The following KHDRBS3 variants were observed in gnomAD, a reference collection of about 807,000 sequenced individuals.
The protein encoded by KHDRBS3 is KH RNA binding domain containing, signal transduction associated 3, also known as KH domain-containing, RNA-binding, signal transduction-associated protein 3.
In KHDRBS3, 23 loss-of-function variants were observed where a neutral mutation model predicts 45.6. The ratio of observed to expected loss-of-function variants is 0.50; its 90% confidence interval spans 0.36 to 0.72. The LOEUF is 0.72. KHDRBS3 is among the 30% of genes least tolerant of loss of function. The pLI is 0.00. For synonymous variants in KHDRBS3, 162 were observed against 156.5 expected (o/e 1.04, Z -0.26); for missense variants, 352 against 424.8 (o/e 0.83, Z 1.51).
At chr8:135,473,473 C>CT (rs1237742194) in intron 1 of KHDRBS3, among the ~76,000 whole-genome samples, 6 of 152,052 alleles carry the variant, frequency 3.9e-5, no homozygotes, top group Non-Finnish European at 7.4e-5. Flanking sequence ...TAGGTCATGC[C>CT]TCGGGGGTAC....
chr8:135,540,556 A>G (rs1364730273), intron 2 of KHDRBS3: 1 of 152,360 alleles, frequency 6.6e-6, no homozygotes, highest in South Asian at 2.1e-4. Context: ...ATACAGACAG[A>G]TACAACTGAG....
At chr8:135,612,827 C>T (rs1829760504) in intron 7 of KHDRBS3, among the ~76,000 whole-genome samples, 1 of 151,648 alleles carries the variant, frequency 6.6e-6, no homozygotes, top group African/African-American at 2.4e-5. Context: ...CGTGGCCAGT[C>T]CAGATTGAGA....
At chr8:135,513,388 T>A (rs1335017650) in intron 1 of KHDRBS3, among the ~76,000 whole-genome samples, 3 of 152,130 alleles carry the variant, frequency 2.0e-5, no homozygotes, top group Admixed American at 2.0e-4. Context: ...AATATTAAAT[T>A]ATTTAATCCT....
At position 135,575,166 on chromosome 8, in the gene KHDRBS3, C is replaced by T. The variant is rs548795070; in HGVS notation, c.612-6712C>T. 2.6e-5 allele frequency among the ~76,000 whole-genome samples: 4 copies of T among 152,178 alleles called. No homozygotes were observed. In the South Asian group the frequency reaches 6.2e-4, roughly 24 times the overall value. The stretch of plus-strand genomic sequence containing the variant: ...AAAGGTTTACCTGAGGGTGAGCTGA[C>T]GAAAAAGTGTTATTTTTTTCTTTTT... On this transcript the variant is annotated intron_variant, in intron 5 of 8. Transcript: ENST00000355849.
At chr8:135,542,103 G>C (rs1260712414) in intron 2 of KHDRBS3, 1 of 152,106 alleles carries the variant, frequency 6.6e-6, no homozygotes, top group African/African-American at 2.4e-5. Flanking sequence ...TAAATAAATT[G>C]CCCACATTCC....
rs112758170 is a variant in KHDRBS3, at chr8:135,546,925, C to T, written c.325-1829C>T. Among the ~76,000 whole-genome samples, 626 of 152,116 alleles carry T rather than the reference C, an allele frequency of 4.1e-3. 10 individuals are homozygous for T. Among genetic ancestry groups the T allele is most frequent in the African/African-American group, 0.014 (566 of 41,502 alleles). The stretch of plus-strand genomic sequence containing the variant: ...AGCTATGATAAGAAATCCTCTCTGT[C>T]CAGCTTAAGTTTGTGATAGAAATAA... On this transcript the variant is annotated intron_variant, in intron 3 of 8. Coordinates refer to ENST00000355849, the MANE Select transcript of KHDRBS3 (RefSeq NM_006558.3).
chr8:135,534,189 A>G (rs1028337681), intron 2 of KHDRBS3, among the ~76,000 whole-genome samples: 4 of 150,884 alleles, frequency 2.7e-5, no homozygotes, highest in African/African-American at 9.7e-5. Flanking sequence ...TAATACTAAT[A>G]TCCTTTATTT....
intron 7 of KHDRBS3, among the ~76,000 whole-genome samples, chr8:135,620,012 G>T (rs546135256): frequency 6.6e-6 from 1 of 151,804 alleles, no homozygotes; most frequent in African/African-American, 2.4e-5. Flanking sequence ...AAACAGAGTG[G>T]ATTAAATAAT....
rs543522317 is a variant in KHDRBS3, at chr8:135,621,664, T to C, written c.890+14627T>C. On this transcript the variant is annotated intron_variant, in intron 7 of 8. Coordinates refer to ENST00000355849, the MANE Select transcript of KHDRBS3 (RefSeq NM_006558.3). The stretch of plus-strand genomic sequence containing the variant: ...TGTTGTCAGTAATAGATGACCATTC[T>C]ACCAGGCAAACCAGAAGGAAGTTTT... Among the ~76,000 whole-genome samples the C allele has an allele frequency of 6.7e-5, 10 of 150,312 alleles. No individual in the cohort carries two copies. The South Asian group carries it at 2.1e-3, about 32-fold the overall frequency.
intron 1 of KHDRBS3, among the ~76,000 whole-genome samples, chr8:135,461,012 G>A (rs149377023): frequency 1.3e-4 from 20 of 152,176 alleles, no homozygotes; most frequent in African/African-American, 4.1e-4. Flanking sequence ...GTGTTTCATC[G>A]TGGGCACTGA....
intron 6 of KHDRBS3, 78 bp downstream of exon 6, chr8:135,582,151 G>A (rs932614194): frequency 7.2e-5 from 96 of 1,333,042 alleles, no homozygotes; most frequent in Non-Finnish European, 8.4e-5. Context: ...TTGTACCCGC[G>A]TACGCTTCCT....
chr8:135,640,192 A>T (rs1831003865), intron 7 of KHDRBS3, among the ~76,000 whole-genome samples: 1 of 152,152 alleles, frequency 6.6e-6, no homozygotes. Flanking sequence ...AGGTGTGCTA[A>T]AGACAAAGAG....
intron 1 of KHDRBS3, among the ~76,000 whole-genome samples, chr8:135,500,349 C>G (rs1211051131): frequency 6.6e-6 from 1 of 151,628 alleles, no homozygotes; most frequent in Non-Finnish European, 1.5e-5. Context: ...TTTTTGTTTC[C>G]AAAGAATAGA....
chr8:135,534,311 T>C (rs977725804), intron 2 of KHDRBS3, among the ~76,000 whole-genome samples: 1 of 152,184 alleles, frequency 6.6e-6, no homozygotes, highest in Admixed American at 6.6e-5. Context: ...AAAAATGTGC[T>C]TCCTTTCATC....
At chr8:135,535,956 T>TCC (rs1825725135) in intron 2 of KHDRBS3, among the ~76,000 whole-genome samples, 1 of 152,078 alleles carries the variant, frequency 6.6e-6, no homozygotes, top group Non-Finnish European at 1.5e-5. Context: ...CAATCCCTTA[T>TCC]CCCCCACTAT....
intron 7 of KHDRBS3, among the ~76,000 whole-genome samples, chr8:135,611,323 C>A (rs1038146170): frequency 6.6e-6 from 1 of 151,904 alleles, no homozygotes; most frequent in South Asian, 2.1e-4. Flanking sequence ...TGCTTCAGAT[C>A]GTACAGTTTA....
At chr8:135,535,081 G>A (rs552772939) in intron 2 of KHDRBS3, among the ~76,000 whole-genome samples, 1 of 152,108 alleles carries the variant, frequency 6.6e-6, no homozygotes, top group Middle Eastern at 3.4e-3. Context: ...GCAGTAGTTT[G>A]TTATGTAGTA....
At chr8:135,459,116 G>C (rs1317495075) in intron 1 of KHDRBS3, among the ~76,000 whole-genome samples, 2 of 152,138 alleles carry the variant, frequency 1.3e-5, no homozygotes, top group Non-Finnish European at 2.9e-5. Flanking sequence ...GCTGCTCTTA[G>C]TGCTCGCCCT....
chr8:135,644,990 C>A, intron 7 of KHDRBS3, 69 bp from the exon 8 acceptor site: 1 of 1,507,346 alleles, frequency 6.6e-7, no homozygotes, highest in Non-Finnish European at 9.1e-7. Flanking sequence ...TTTTACAATA[C>A]GTTATTGAAT....
Sources: allele counts gnomAD v4.1 joint callset (sites outside exome capture counted in the v4.1 genomes callset), GRCh38; gene constraint gnomAD v4.1.1; transcripts MANE v1.5; gene names NCBI Gene and HGNC (gene_info 2026-07-23, HGNC 2026-07-21).